Variants in LRIG3 observed in about 807,000 individuals in gnomAD.
LRIG3 encodes leucine rich repeats and immunoglobulin like domains 3.
Under a neutral mutation model 114.5 loss-of-function variants are expected in LRIG3, and 76 were observed. The observed-to-expected ratio is 0.66, with a 90% CI of 0.55 to 0.80. The LOEUF (loss-of-function observed/expected upper bound fraction) is 0.80, where lower values mean the gene tolerates loss of function less well. Ranked by LOEUF, LRIG3 falls within the 30% of genes least tolerant of loss-of-function variation. The pLI, the probability that LRIG3 is intolerant of heterozygous loss-of-function variation, is 0.00. For synonymous variants in LRIG3, 512 were observed against 519.8 expected, an observed-to-expected ratio of 0.98 and a Z score of 0.20; for missense variants, 1,239 against 1,382.8, an observed-to-expected ratio of 0.90 and a Z score of 1.65.
At chr12:58,888,501 G>GAT in intron 6 of LRIG3, 29 bp from the exon 7 acceptor site, 1 of 1,607,964 alleles carries the variant, frequency 6.2e-7, no homozygotes, top group Non-Finnish European at 8.5e-7. Context: ...TCAAAAGCAG[G>GAT]ATCAAAACTT....
intron 13 of LRIG3, 113 bp downstream of exon 13, chr12:58,880,468 C>T (rs924995166): frequency 9.7e-7 from 1 of 1,026,684 alleles, no homozygotes; most frequent in South Asian, 1.4e-5. Flanking sequence ...AAGGAAGAGT[C>T]AGGTGGGGAA....
chr12:58,915,872 T>C (rs1479955263), intron 1 of LRIG3, among the ~76,000 whole-genome samples: 2 of 152,122 alleles, frequency 1.3e-5, no homozygotes, highest in African/African-American at 2.4e-5. Context: ...ATTTCCCACA[T>C]GGTTTAAAAA....
At position 58,920,299 on chromosome 12, in the gene LRIG3, C is replaced by A. The variant is rs1592315996; in HGVS notation, c.-64G>T. On this transcript the variant is annotated 5_prime_UTR_variant, in exon 1 of 19. Transcript: ENST00000320743. The stretch of plus-strand genomic sequence containing the variant: ...GCCGGCGCGCGCTCGGGGCCCGGCA[C>A]AAACTTCCAGCCGAGGGTGCACGCC... 8.0e-7 allele frequency: 1 copy of A among 1,242,316 alleles called. No individual in the cohort carries two copies. The allele number at this position is 1,242,316 out of a possible 1,614,324, so 77.0% of individuals were successfully genotyped here.
At chr12:58,884,001 G>A (rs549392616) in intron 10 of LRIG3, among the ~76,000 whole-genome samples, 1 of 152,224 alleles carries the variant, frequency 6.6e-6, no homozygotes, top group South Asian at 2.1e-4. Context: ...TTGAAGATAT[G>A]CACTCAGTTA....
chr12:58,902,492 G>C (rs2120951768), intron 3 of LRIG3, among the ~76,000 whole-genome samples: 1 of 152,230 alleles, frequency 6.6e-6, no homozygotes, highest in South Asian at 2.1e-4. Context: ...CTATATGAGA[G>C]ACAGGGAGAT....
chr12:58,915,629 T>A (rs1872452630), intron 1 of LRIG3, among the ~76,000 whole-genome samples: 1 of 152,160 alleles, frequency 6.6e-6, no homozygotes, highest in African/African-American at 2.4e-5. Context: ...CATGAGTAGA[T>A]TTGTTCTGGT....
rs932851569 is a variant in LRIG3 at position 58,920,265 on chromosome 12, A to G, written c.-30T>C. 3.8e-6 allele frequency: 5 copies of G among 1,311,790 alleles called. No homozygotes were observed. The highest frequency in any genetic ancestry group is 4.8e-6 in the Non-Finnish European group (5 of 1,034,372). The allele number at this position is 1,311,790 out of a possible 1,614,324, so 81.3% of individuals were successfully genotyped here. On this transcript the variant is annotated 5_prime_UTR_variant, in exon 1 of 19. Transcript: ENST00000320743. ...GTCCAGCGGCCTAGGTCTCTACCCG[A>G]AGCTCCCAGCCGGCGCGCGCTCGGG...
chr12:58,914,096 T>C (rs780800473), intron 2 of LRIG3, 40 bp from the exon 3 acceptor site: 2 of 1,579,346 alleles, frequency 1.3e-6, no homozygotes, highest in East Asian at 2.2e-5. Flanking sequence ...AAAAGCTGAT[T>C]AGGTAATCTG....
intron 13 of LRIG3, among the ~76,000 whole-genome samples, chr12:58,879,630 A>C (rs1871051155): frequency 6.6e-6 from 1 of 152,240 alleles, no homozygotes; most frequent in Non-Finnish European, 1.5e-5. Context: ...ACCACGGCAG[A>C]TACAGATAGT....
chr12:58,909,353 T>C lies in LRIG3; in HGVS notation c.383+4629A>G, dbSNP rs78004573. ...TTTCCTGACTACATTAAAGAACAAT[T>C]GCCAGAGCTCTCTAATCCCTTCATT... is the stretch of plus-strand genomic sequence containing the variant. On this transcript the variant is annotated intron_variant, in intron 3 of 18. Transcript: ENST00000320743. Among the ~76,000 whole-genome samples the C allele has an allele frequency of 2.2e-3, 331 of 152,308 alleles. 1 individual carries two copies. Among genetic ancestry groups the C allele is most frequent in the African/African-American group, 7.7e-3 (322 of 41,564 alleles).
intron 8 of LRIG3, among the ~76,000 whole-genome samples, chr12:58,887,482 T>A (rs1871313101): frequency 6.7e-6 from 1 of 149,872 alleles, no homozygotes; most frequent in South Asian, 2.1e-4. Context: ...TTAATCTGTA[T>A]TTTACAAAGA....
At chr12:58,880,435 T>C (rs1871086563) in intron 13 of LRIG3, 146 bp downstream of exon 13, 2 of 834,458 alleles carry the variant, frequency 2.4e-6, no homozygotes, top group African/African-American at 3.4e-5. Flanking sequence ...AGAATCTTAA[T>C]TTTGTGGAAT....
chr12:58,880,498 G>C lies in LRIG3; in HGVS notation c.1801+83C>G, dbSNP rs76937014. The C allele has an allele frequency of 4.5e-4, 606 of 1,338,490 alleles. 3 individuals are homozygous for C. In the African/African-American group the frequency reaches 8.0e-3, roughly 18 times the overall value. The allele number at this position is 1,338,490 out of a possible 1,614,324, so 82.9% of individuals were successfully genotyped here. A position where few individuals can be genotyped will look rare whatever the true frequency, so the allele number is the denominator to read the frequency against. ...GGGGAACTGTGAGAAGAAAAGACAG[G>C]GTTAAGATTAAGAGAGAAAAACAGG... On this transcript the variant is annotated intron_variant, in intron 13 of 18. Transcript: ENST00000320743.
intron 3 of LRIG3, among the ~76,000 whole-genome samples, chr12:58,892,493 C>T (rs1184742491): frequency 1.3e-5 from 2 of 152,218 alleles, no homozygotes; most frequent in African/African-American, 2.4e-5. Flanking sequence ...TCATCAGTCT[C>T]TCACTATCAC....
chr12:58,893,759 CCTCCTACAAACACTGGAGTCA>C (rs1444229249), intron 3 of LRIG3, among the ~76,000 whole-genome samples: 1 of 152,168 alleles, frequency 6.6e-6, no homozygotes, highest in African/African-American at 2.4e-5. Context: ...ACTAGGATGT[CCTCCTACAAACACTGGAGTCA>C]CTCTGAAGTG....
chr12:58,899,540 T>G (rs1871766440), intron 3 of LRIG3, among the ~76,000 whole-genome samples: 1 of 152,174 alleles, frequency 6.6e-6, no homozygotes, highest in South Asian at 2.1e-4. Context: ...GAATATTCCT[T>G]TTACTGTTTT....
chr12:58,881,046 A>G (rs1871112884), intron 12 of LRIG3, 145 bp from the exon 13 acceptor site: 2 of 691,350 alleles, frequency 2.9e-6, no homozygotes, highest in Non-Finnish European at 4.9e-6. Flanking sequence ...AGCCGTCCCC[A>G]TGTTGAAATG....
At chr12:58,891,106 A>T (rs542896956) in intron 3 of LRIG3, among the ~76,000 whole-genome samples, 48 of 151,424 alleles carry the variant, frequency 3.2e-4, no homozygotes, top group Middle Eastern at 3.4e-3. Flanking sequence ...CTTTTTTTTT[A>T]AAAATTTTTA....
intron 3 of LRIG3, among the ~76,000 whole-genome samples, chr12:58,898,101 CA>C (rs1871708925): frequency 6.6e-6 from 1 of 152,174 alleles, no homozygotes; most frequent in Admixed American, 6.5e-5. Flanking sequence ...CATCAGAAAA[CA>C]AAATGTCCAT....
Sources: gnomAD v4.1 joint callset for allele counts (sites outside exome capture counted in the v4.1 genomes callset) on GRCh38, gnomAD v4.1.1 for gene constraint, MANE v1.5 for transcripts, NCBI Gene and HGNC (gene_info 2026-07-23, HGNC 2026-07-21) for gene names.